TMEM9: variants seen among roughly 807,000 people sequenced by gnomAD.
TMEM9 encodes the protein transmembrane protein 9, also known as proton-transporting V-type ATPase complex assembly regulator TMEM9.
A neutral mutation model predicts 22.8 loss-of-function variants in TMEM9; 13 were observed. That is an observed-to-expected ratio of 0.57 (90% CI 0.37 to 0.91). The LOEUF (loss-of-function observed/expected upper bound fraction) is 0.91, where lower values mean the gene tolerates loss of function less well. Ranked by LOEUF, TMEM9 falls within the 40% of genes least tolerant of loss-of-function variation. TMEM9 has a pLI of 0.01. For synonymous variants in TMEM9, 88 were observed against 93.0 expected (o/e 0.95, Z 0.31); for missense variants, 182 against 238.1 (o/e 0.76, Z 1.55).
intron 1 of TMEM9, among the ~76,000 whole-genome samples, chr1:201,168,772 G>A (rs1435304877): frequency 7.2e-6 from 1 of 138,932 alleles, no homozygotes; most frequent in South Asian, 2.5e-4. Context: ...CAATCCTGGG[G>A]CAGGGGGCAT....
chr1:201,169,309 G>A (rs575735291), intron 1 of TMEM9, among the ~76,000 whole-genome samples: 1 of 152,292 alleles, frequency 6.6e-6, no homozygotes, highest in South Asian at 2.1e-4. Flanking sequence ...CGAGTGTAAC[G>A]TGACTGACAA....
At chr1:201,170,718 G>A (rs1351875093) in intron 1 of TMEM9, among the ~76,000 whole-genome samples, 1 of 152,208 alleles carries the variant, frequency 6.6e-6, no homozygotes, top group African/African-American at 2.4e-5. Context: ...CAAAGGGCAA[G>A]TGTATTGCAT....
At chr1:201,158,257 C>T (rs1223488249), upstream of TMEM9, among the ~76,000 whole-genome samples, 2 of 152,174 alleles carry the variant, frequency 1.3e-5, no homozygotes, top group Non-Finnish European at 2.9e-5. Flanking sequence ...CAAGAGAACA[C>T]CTCCGTCAGA....
intron 1 of TMEM9, among the ~76,000 whole-genome samples, chr1:201,170,743 G>A (rs1400468546): frequency 6.6e-6 from 1 of 152,198 alleles, no homozygotes; most frequent in African/African-American, 2.4e-5. Flanking sequence ...GTTGAACAGG[G>A]TGGCGCCGGC....
At chr1:201,141,545 T>A (rs1214187829) in intron 4 of TMEM9, among the ~76,000 whole-genome samples, 1 of 152,120 alleles carries the variant, frequency 6.6e-6, no homozygotes, top group Non-Finnish European at 1.5e-5. Flanking sequence ...GGTCAGGGTA[T>A]CAAAGAGATT....
intron 4 of TMEM9, among the ~76,000 whole-genome samples, chr1:201,142,330 G>A (rs921530983): frequency 1.3e-5 from 2 of 152,176 alleles, no homozygotes; most frequent in African/African-American, 4.8e-5. Flanking sequence ...ACATCACCCA[G>A]GCAGCTTCAC....
At chr1:201,168,906 C>G (rs1829997) in intron 1 of TMEM9, among the ~76,000 whole-genome samples, 73,928 of 150,878 alleles carry the variant, frequency 0.49, 18,334 homozygotes, top group African/African-American at 0.55. Context: ...ATCCTCCCAC[C>G]TTAGTCTCCC....
chr1:201,151,081 C>T (rs1248912628), intron 2 of TMEM9, among the ~76,000 whole-genome samples: 1 of 152,186 alleles, frequency 6.6e-6, no homozygotes, highest in East Asian at 1.9e-4. Context: ...CCAGTACCTG[C>T]TCCCACATGT....
intron 1 of TMEM9, among the ~76,000 whole-genome samples, chr1:201,165,725 G>T (rs966579679): frequency 2.0e-5 from 3 of 152,158 alleles, no homozygotes; most frequent in Admixed American, 1.3e-4. Context: ...GTGTGCCACC[G>T]TGCCTGGCCA....
At chr1:201,142,876 C>T (rs1430871443) in intron 4 of TMEM9, among the ~76,000 whole-genome samples, 1 of 152,264 alleles carries the variant, frequency 6.6e-6, no homozygotes, top group Non-Finnish European at 1.5e-5. Flanking sequence ...GCAGTCCTCA[C>T]TCAGGCAAGA....
At chr1:201,156,794 T>C (rs911189799), upstream of TMEM9, among the ~76,000 whole-genome samples, 2 of 152,180 alleles carry the variant, frequency 1.3e-5, no homozygotes, top group Non-Finnish European at 2.9e-5. Flanking sequence ...CATAAACATG[T>C]GCCAAGCACT....
upstream of TMEM9, among the ~76,000 whole-genome samples, chr1:201,155,662 TAG>T (rs766665943): frequency 6.6e-6 from 1 of 152,190 alleles, no homozygotes; most frequent in Non-Finnish European, 1.5e-5. Flanking sequence ...GCTTTGGAGC[TAG>T]AGTGACCAGG....
At chr1:201,135,877 G>C in intron 4 of TMEM9, 62 bp from the exon 5 acceptor site, 2 of 1,470,882 alleles carry the variant, frequency 1.4e-6, no homozygotes, top group Non-Finnish European at 9.1e-7. Context: ...CTTGGATCCT[G>C]AAAGTCTGAC....
chr1:201,153,651 T>C, intron 1 of TMEM9: 3 of 1,145,800 alleles, frequency 2.6e-6, no homozygotes, highest in Non-Finnish European at 3.7e-6. Flanking sequence ...CAGTGCTCTG[T>C]GCCCCACCCT....
chr1:201,148,099 C>T (rs1004392819), intron 2 of TMEM9, among the ~76,000 whole-genome samples: 11 of 152,174 alleles, frequency 7.2e-5, no homozygotes, highest in African/African-American at 2.7e-4. Flanking sequence ...TACATGATTC[C>T]CAAAGGAAGA....
chr1:201,144,398 T>C (rs1273600114), intron 3 of TMEM9: 4 of 195,292 alleles, frequency 2.0e-5, no homozygotes, highest in African/African-American at 4.6e-5. Flanking sequence ...GGTGGGCTCA[T>C]TGCTCCTGTG....
At chr1:201,170,644 G>A (rs571837160) in intron 1 of TMEM9, among the ~76,000 whole-genome samples, 1 of 152,224 alleles carries the variant, frequency 6.6e-6, no homozygotes, top group South Asian at 2.1e-4. Context: ...CCCTGTGGTA[G>A]ACACCGAGAC....
intron 3 of TMEM9, 72 bp from the exon 4 acceptor site, chr1:201,144,023 G>T: frequency 3.8e-6 from 6 of 1,563,180 alleles, no homozygotes; most frequent in Non-Finnish European, 3.5e-6. Context: ...CTAGTCTTGG[G>T]CCATCTGTGT....
chr1:201,159,484 TACACACACACACACACAC>T (rs60273477), upstream of TMEM9, among the ~76,000 whole-genome samples: 3,843 of 147,660 alleles, frequency 0.026, 123 homozygotes, highest in African/African-American at 0.077. Context: ...TGCCTTTTTA[TACACACACACACACACAC>T]ACACACACAC....
Sources: allele counts gnomAD v4.1 joint callset (sites outside exome capture counted in the v4.1 genomes callset), GRCh38; gene constraint gnomAD v4.1.1; transcripts MANE v1.5; gene names NCBI Gene and HGNC (gene_info 2026-07-23, HGNC 2026-07-21).